The following MATN2 variants were observed in gnomAD, a reference collection of about 807,000 sequenced individuals.
The protein encoded by MATN2 is matrilin 2.
A neutral mutation model predicts 103.2 loss-of-function variants in MATN2; 69 were observed. The observed-to-expected ratio is 0.67, with a 90% CI of 0.55 to 0.82. MATN2 has a LOEUF of 0.82. Among genes scored for constraint, MATN2 ranks in the 40% least tolerant of loss-of-function variants. The probability of loss-of-function intolerance (pLI) is 0.00; values close to 1 mark genes in which losing one functional copy is unlikely to be tolerated. For synonymous variants in MATN2, 429 were observed against 450.2 expected, an observed-to-expected ratio of 0.95 and a Z score of 0.60; for missense variants, 1,023 against 1,211.5, an observed-to-expected ratio of 0.84 and a Z score of 2.31.
At chr8:97,990,173 C>A (rs1445820585) in intron 6 of MATN2, among the ~76,000 whole-genome samples, 4 of 95,708 alleles carry the variant, frequency 4.2e-5, no homozygotes, top group Admixed American at 1.4e-4. Flanking sequence ...CAGAGCAAGA[C>A]TCTGTCAAAA....
rs1336000691 is a variant in MATN2 at position 97,978,981 on chromosome 8, C to G, written c.1054C>G (p.Leu352Val). ...YLCQCHEGFA[L>V]NPDKKTCTKI... ...TTGCCAGTGCCATGAAGGATTTGCT[C>G]TTAACCCAGATAAAAAAACGTGCAC... Residue 352 changes from leucine (L) to valine (V), a missense_variant, in exon 6 of 19, where the codon CTT becomes GTT. Coordinates refer to ENST00000254898, the MANE Select transcript of MATN2 (RefSeq NM_002380.5). The G allele has an allele frequency of 1.9e-6, 3 of 1,612,404 alleles. No individual in the cohort carries two copies. The highest frequency in any genetic ancestry group is 1.1e-5 in the South Asian group (1 of 90,736).
At chr8:97,893,592 ATTT>A (rs1563650492) in intron 2 of MATN2, among the ~76,000 whole-genome samples, 1,415 of 61,744 alleles carry the variant, frequency 0.023, 16 homozygotes, top group African/African-American at 0.044. Context: ...TTATTTATTT[ATTT>A]ATGATAGAGT....
chr8:97,907,355 AG>A (rs1819210384), intron 2 of MATN2, among the ~76,000 whole-genome samples: 1 of 143,036 alleles, frequency 7.0e-6, no homozygotes, highest in African/African-American at 2.6e-5. Context: ...TCTTTCCTCC[AG>A]GCTGGAGTGC....
intron 2 of MATN2, among the ~76,000 whole-genome samples, chr8:97,920,242 C>T (rs2130103929): frequency 6.6e-6 from 1 of 152,280 alleles, no homozygotes; most frequent in Non-Finnish European, 1.5e-5. Context: ...GAGTTTTGCT[C>T]TGTTGCCCAG....
chr8:97,957,033 G>A (rs565060404), intron 4 of MATN2, among the ~76,000 whole-genome samples: 2 of 152,338 alleles, frequency 1.3e-5, no homozygotes, highest in East Asian at 1.9e-4. Flanking sequence ...GCAGATAGCC[G>A]TGATCAAGTC....
chr8:98,014,058 C>T (rs1209545736), intron 10 of MATN2, among the ~76,000 whole-genome samples: 2 of 151,824 alleles, frequency 1.3e-5, no homozygotes, highest in South Asian at 2.1e-4. Context: ...CAGTGAACTG[C>T]GATGACACCA....
At chr8:97,993,769 T>C (rs964965624) in intron 6 of MATN2, among the ~76,000 whole-genome samples, 1 of 152,180 alleles carries the variant, frequency 6.6e-6, no homozygotes, top group African/African-American at 2.4e-5. Context: ...TTTGGCTCAT[T>C]GTTTGATGGG....
At chr8:97,914,897 C>T (rs1809570006) in intron 2 of MATN2, among the ~76,000 whole-genome samples, 1 of 152,224 alleles carries the variant, frequency 6.6e-6, no homozygotes, top group African/African-American at 2.4e-5. Context: ...TTATAATACT[C>T]ATCACCTTGT....
At chr8:97,975,309 A>G (rs1253420170) in intron 5 of MATN2, among the ~76,000 whole-genome samples, 7 of 152,188 alleles carry the variant, frequency 4.6e-5, no homozygotes, top group South Asian at 2.1e-4. Context: ...ACCCGAGCCA[A>G]TTTGGATACT....
chr8:97,992,216 G>C (rs78231096), intron 6 of MATN2, among the ~76,000 whole-genome samples: 9,281 of 152,262 alleles, frequency 0.061, 924 homozygotes, highest in African/African-American at 0.21. Flanking sequence ...AGGTCAGAGA[G>C]ATGACCAAGT....
intron 10 of MATN2, among the ~76,000 whole-genome samples, chr8:98,010,800 G>C (rs901778253): frequency 6.6e-6 from 1 of 152,162 alleles, no homozygotes; most frequent in Non-Finnish European, 1.5e-5. Context: ...CGTCAGCCTA[G>C]GGCACTGGGG....
At position 98,017,860 on chromosome 8, in the gene MATN2, C is replaced by G. The variant is rs73278301; in HGVS notation, c.1697-134C>G. ...TAAACTTTGTTCTCAATTGTAACTT[C>G]CTGCCCCATGGACCACTGAGCTCAG... is the stretch of plus-strand genomic sequence containing the variant. On this transcript the variant is annotated intron_variant, in intron 11 of 18. Coordinates refer to ENST00000254898, the MANE Select transcript of MATN2 (RefSeq NM_002380.5). 1.9e-3 allele frequency: 1,720 copies of G among 917,370 alleles called. 16 individuals are homozygous for G. In the African/African-American group the frequency reaches 0.024, roughly 13 times the overall value. 56.8% of individuals were successfully genotyped at this position (917,370 alleles called of 1,614,324 possible).
intron 4 of MATN2, among the ~76,000 whole-genome samples, chr8:97,957,466 T>C (rs1484242950): frequency 6.6e-6 from 1 of 152,254 alleles, no homozygotes; most frequent in African/African-American, 2.4e-5. Context: ...ATGGTTTCCC[T>C]TGGGTCGGTA....
At chr8:98,001,056 C>T (rs1178856265) in intron 7 of MATN2, among the ~76,000 whole-genome samples, 2 of 152,140 alleles carry the variant, frequency 1.3e-5, no homozygotes, top group African/African-American at 4.8e-5. Flanking sequence ...TGGATGTGAG[C>T]TTCGTCAAAT....
intron 7 of MATN2, among the ~76,000 whole-genome samples, chr8:97,998,589 GTTTTTC>G (rs1222048710): frequency 2.0e-5 from 3 of 149,388 alleles, no homozygotes; most frequent in Non-Finnish European, 3.0e-5. Context: ...TTTTAAAAAT[GTTTTTC>G]TTTTTATATT....
intron 11 of MATN2, among the ~76,000 whole-genome samples, chr8:98,016,871 T>C (rs942932839): frequency 1.2e-4 from 18 of 152,198 alleles, no homozygotes; most frequent in African/African-American, 4.3e-4. Context: ...TAGTTAATAA[T>C]CATGTATCAG....
At chr8:98,011,642 G>GAGA (rs1397484968) in intron 10 of MATN2, among the ~76,000 whole-genome samples, 1 of 152,206 alleles carries the variant, frequency 6.6e-6, no homozygotes, top group African/African-American at 2.4e-5. Flanking sequence ...GTTTTATTAC[G>GAGA]AGAAAAGCCA....
At chr8:97,946,241 C>T (rs1345884869) in intron 4 of MATN2, among the ~76,000 whole-genome samples, 2 of 152,244 alleles carry the variant, frequency 1.3e-5, no homozygotes, top group Non-Finnish European at 2.9e-5. Context: ...CCTTTCCATT[C>T]GAAGACTAGA....
rs763545649 is a variant in MATN2 at position 97,931,279 on chromosome 8, CT to C, written c.470del (p.Leu157ArgfsTer9). 6.2e-7 allele frequency: 1 copy of C among 1,613,872 alleles called. No homozygotes were observed. ...CTCAGAAGCAGAGGGGGCCCGGCCC[CT>C]GAGGGAGAATGTGCCACGGGTCATA... ...AFSEAEGARP[L>X]RENVPRVIMI... On this transcript the variant is annotated frameshift_variant, in exon 3 of 19. Transcript: ENST00000254898. LOFTEE classifies it high-confidence loss of function. The surrounding 1 kb of genome is among the most constrained non-coding windows in gnomAD (Gnocchi z 4.1).
Sources: allele counts gnomAD v4.1 joint callset (sites outside exome capture counted in the v4.1 genomes callset), GRCh38; gene constraint gnomAD v4.1.1; non-coding constraint Gnocchi (gnomAD v3.1); transcripts MANE v1.5; gene names NCBI Gene and HGNC (gene_info 2026-07-23, HGNC 2026-07-21).